The following EPB41L2 variants were observed in gnomAD, a reference collection of about 807,000 sequenced individuals.
The protein encoded by EPB41L2 is erythrocyte membrane protein band 4.1 like 2.
EPB41L2 carries 43 observed loss-of-function variants against 113.0 expected under a neutral mutation model. The ratio of observed to expected loss-of-function variants is 0.38; its 90% CI spans 0.30 to 0.49. The LOEUF (loss-of-function observed/expected upper bound fraction) is 0.49, where lower values mean the gene tolerates loss of function less well. Among genes scored for constraint, EPB41L2 ranks in the 20% least tolerant of loss-of-function variants. The probability of loss-of-function intolerance (pLI) is 0.95; values close to 1 mark genes in which losing one functional copy is unlikely to be tolerated. For missense variants in EPB41L2, 1,147 were observed against 1,223.4 expected (o/e 0.94, Z 0.93); for synonymous variants, 442 against 436.7 (o/e 1.01, Z -0.15).
At position 130,895,035 on chromosome 6, in the gene EPB41L2, C is replaced by T; in HGVS notation, c.1321G>A (p.Ala441Thr). 1 of 1,613,936 alleles carries T rather than the reference C, an allele frequency of 6.2e-7. No individual in the cohort carries two copies. The highest frequency in any genetic ancestry group is 8.5e-7 in the Non-Finnish European group (1 of 1,179,906). The change falls in exon 9 of 20, where the codon GCT (alanine) becomes ACT (threonine). Residue 441 changes from alanine (A) to threonine (T), a missense_variant. By Grantham distance (58) the Ala-to-Thr change is moderately conservative. Coordinates refer to ENST00000337057, the MANE Select transcript of EPB41L2 (RefSeq NM_001431.4). ...GAAATTTTTAAGATTTTCGGCCAAG[C>T]AAAACGATTGATTCGCAGTCTGTCT... Reference protein sequence around the residue: ...YKDRLRINRFAWPKILKISYK... With the variant: ...YKDRLRINRFTWPKILKISYK...
In EPB41L2 at chr6:130,867,532, C is replaced by T. The variant is rs1439040723; in HGVS notation, c.2657G>A (p.Arg886Lys). 1.9e-6 allele frequency: 3 copies of T among 1,613,748 alleles called. No individual in the cohort carries two copies. The highest frequency in any genetic ancestry group is 2.5e-6 in the Non-Finnish European group (3 of 1,179,896). ...EMVTISDASQ[R>K]TEISTKEVPI... ...GACTTCCTTGGTGGAGATTTCTGTC[C>T]TTTGTGAGGCATCAGAAATTGTTAC... is the stretch of plus-strand genomic sequence containing the variant. The change falls in exon 16 of 20, where the codon AGG becomes AAG. Residue 886 changes from arginine to lysine, a missense_variant. Arg to Lys is a conservative substitution (Grantham distance 26, BLOSUM62 2). Coordinates refer to ENST00000337057, the MANE Select transcript of EPB41L2 (RefSeq NM_001431.4).
At chr6:130,966,381 C>T (rs1234877959) in intron 1 of EPB41L2, among the ~76,000 whole-genome samples, 1 of 152,184 alleles carries the variant, frequency 6.6e-6, no homozygotes, top group Non-Finnish European at 1.5e-5. Flanking sequence ...GTACAAACAG[C>T]AAGATTCAGA....
intron 1 of EPB41L2, among the ~76,000 whole-genome samples, chr6:131,053,676 G>A (rs541704642): frequency 5.6e-4 from 86 of 152,282 alleles, no homozygotes; most frequent in South Asian, 1.7e-3. Flanking sequence ...CACTTGGGGC[G>A]TGACTGCCTT....
At chr6:130,978,036 C>A (rs1165303450) in intron 1 of EPB41L2, among the ~76,000 whole-genome samples, 1 of 152,150 alleles carries the variant, frequency 6.6e-6, no homozygotes, top group African/African-American at 2.4e-5. Context: ...ATTTCTTTCT[C>A]AATTTGTAGA....
chr6:130,866,747 T>C (rs945352551), intron 16 of EPB41L2, among the ~76,000 whole-genome samples: 3 of 152,236 alleles, frequency 2.0e-5, no homozygotes, highest in African/African-American at 7.2e-5. Context: ...TATATTCTAT[T>C]TTGAAATCAT....
At chr6:131,030,050 A>G (rs894966704) in intron 1 of EPB41L2, among the ~76,000 whole-genome samples, 1 of 151,482 alleles carries the variant, frequency 6.6e-6, no homozygotes, top group Non-Finnish European at 1.5e-5. Flanking sequence ...CAAATGGTTC[A>G]GGGCCCTACT....
rs1166423093 is a variant in EPB41L2, at chr6:130,957,279, A to T, written c.-14-780T>A. Among the ~76,000 whole-genome samples, 4 of 152,386 alleles carry T rather than the reference A, an allele frequency of 2.6e-5. No homozygotes were observed. In the East Asian group the frequency reaches 7.7e-4, roughly 29 times the overall value. On this transcript the variant is annotated intron_variant, in intron 1 of 19. Coordinates refer to ENST00000337057, the MANE Select transcript of EPB41L2 (RefSeq NM_001431.4). The stretch of plus-strand genomic sequence containing the variant: ...AAAAATGCATCTGACGATTGTTCTT[A>T]TCATAACTAATTAGAACAAAATTTA...
intron 1 of EPB41L2, among the ~76,000 whole-genome samples, chr6:131,023,756 G>GATAT (rs1379644607): frequency 1.1e-4 from 5 of 44,726 alleles, no homozygotes; most frequent in African/African-American, 5.8e-4. Flanking sequence ...TCTATATATA[G>GATAT]ATATATAGAT....
chr6:131,043,189 T>C (rs1292929740), intron 1 of EPB41L2, among the ~76,000 whole-genome samples: 2 of 152,012 alleles, frequency 1.3e-5, no homozygotes, highest in African/African-American at 4.8e-5. Flanking sequence ...TAATTCCAGC[T>C]ACTTAGGAGG....
chr6:130,877,423 T>C (rs1262874344), intron 14 of EPB41L2, among the ~76,000 whole-genome samples: 1 of 152,152 alleles, frequency 6.6e-6, no homozygotes, highest in Non-Finnish European at 1.5e-5. Context: ...GAGGCACAGA[T>C]GTGGATGACA....
chr6:131,038,812 C>T (rs1214955155), intron 1 of EPB41L2, among the ~76,000 whole-genome samples: 5 of 152,074 alleles, frequency 3.3e-5, no homozygotes, highest in African/African-American at 9.7e-5. Context: ...ACTGGCAATT[C>T]GTATTTAATG....
intron 1 of EPB41L2, among the ~76,000 whole-genome samples, chr6:131,032,471 ATTCAG>A (rs1046467339): frequency 3.2e-4 from 49 of 152,308 alleles, no homozygotes; most frequent in African/African-American, 1.2e-3. Context: ...AATTGGCATT[ATTCAG>A]TTCACAAAGC....
chr6:130,913,467 AG>A (rs1461031793), intron 4 of EPB41L2, among the ~76,000 whole-genome samples: 1 of 152,172 alleles, frequency 6.6e-6, no homozygotes. Flanking sequence ...CAACTTTGCA[AG>A]GGCTGGAACA....
intron 1 of EPB41L2, among the ~76,000 whole-genome samples, chr6:131,035,446 T>C (rs1793103823): frequency 6.6e-6 from 1 of 152,212 alleles, no homozygotes. Flanking sequence ...TCTCCTCTTC[T>C]GCTTCCTTCC....
chr6:131,005,310 C>A (rs1474440908), intron 1 of EPB41L2, among the ~76,000 whole-genome samples: 3 of 152,102 alleles, frequency 2.0e-5, no homozygotes, highest in African/African-American at 7.2e-5. Context: ...ACCCAAAGCA[C>A]ATCCAAAGTC....
At chr6:130,895,201 A>C in intron 8 of EPB41L2, 82 bp from the exon 9 acceptor site, 1 of 1,425,918 alleles carries the variant, frequency 7.0e-7, no homozygotes, top group Non-Finnish European at 9.5e-7. Context: ...CCCTCAAATC[A>C]TGATCAGGAA....
intron 1 of EPB41L2, among the ~76,000 whole-genome samples, chr6:130,993,544 T>C (rs1177236414): frequency 3.3e-5 from 5 of 152,184 alleles, no homozygotes; most frequent in African/African-American, 9.7e-5. Flanking sequence ...AGGGGTTTTA[T>C]AGTCTGCTGT....
rs117141504 is a variant in EPB41L2 at position 131,005,286 on chromosome 6, G to T, written c.-14-48787C>A. 1.9e-3 allele frequency among the ~76,000 whole-genome samples: 291 copies of T among 152,012 alleles called. 1 individual carries two copies. The highest frequency in any genetic ancestry group is 6.8e-3 in the Middle Eastern group (2 of 294). ...CAACAACATAGCTATGTCCCAGAAA[G>T]CTCTCTCCCTGTGACCCAAAGCACA... On this transcript the variant is annotated intron_variant, in intron 1 of 19. Transcript: ENST00000337057.
chr6:130,972,846 C>G (rs1358992905), intron 1 of EPB41L2, among the ~76,000 whole-genome samples: 2 of 149,708 alleles, frequency 1.3e-5, no homozygotes, highest in Non-Finnish European at 2.9e-5. Context: ...GTAATCCCAG[C>G]ACTTTGTGAG....
Sources: gnomAD v4.1 joint callset for allele counts (sites outside exome capture counted in the v4.1 genomes callset) on GRCh38, gnomAD v4.1.1 for gene constraint, MANE v1.5 for transcripts, NCBI Gene and HGNC (gene_info 2026-07-23, HGNC 2026-07-21) for gene names.